The following HS3ST4 variants were observed in gnomAD, a reference collection of about 807,000 sequenced individuals.
HS3ST4 encodes heparan sulfate-glucosamine 3-sulfotransferase 4.
A neutral mutation model predicts 29.2 loss-of-function variants in HS3ST4; 17 were observed. The ratio of observed to expected loss-of-function variants is 0.58; its 90% CI spans 0.40 to 0.87. The LOEUF is 0.87. Among genes scored for constraint, HS3ST4 ranks in the 40% least tolerant of loss-of-function variants. HS3ST4 has a pLI of 0.00. For missense variants in HS3ST4, 627 were observed against 634.5 expected, an observed-to-expected ratio of 0.99 and a Z score of 0.13; for synonymous variants, 314 against 285.7, an observed-to-expected ratio of 1.10 and a Z score of -1.00.
In HS3ST4 at chr16:25,895,740, AAGAGAGAGAG is replaced by A. The variant is rs71738802; in HGVS notation, c.734+202601_734+202610del. 1.2e-3 allele frequency among the ~76,000 whole-genome samples: 186 copies of A among 149,262 alleles called. 1 individual carries two copies. The Middle Eastern group carries it at 0.017, about 14-fold the overall frequency. On this transcript the variant is annotated intron_variant, in intron 1 of 1. Transcript: ENST00000331351. Reference sequence around the variant, plus strand: ...CTCACACAGCAGAGGGAAAGAGGGAAAGAGAGAGAGAGAGAGAGAGATCATCTTCCTTGTG... The same window carrying A: ...CTCACACAGCAGAGGGAAAGAGGGAAAGAGAGAGAGATCATCTTCCTTGTG...
At chr16:25,771,971 G>A (rs1025757520) in intron 1 of HS3ST4, among the ~76,000 whole-genome samples, 3 of 152,118 alleles carry the variant, frequency 2.0e-5, no homozygotes, top group East Asian at 1.9e-4. Context: ...ATAGGATAAC[G>A]TTTCTAGTCT....
intron 1 of HS3ST4, among the ~76,000 whole-genome samples, chr16:25,828,753 C>A (rs910450769): frequency 1.3e-5 from 2 of 152,176 alleles, no homozygotes; most frequent in Admixed American, 6.5e-5. Context: ...TAAGTGAGAA[C>A]ATGTGCTATT....
intron 1 of HS3ST4, among the ~76,000 whole-genome samples, chr16:25,928,436 A>G (rs1005457361): frequency 3.9e-5 from 6 of 152,178 alleles, no homozygotes; most frequent in South Asian, 2.1e-4. Context: ...AGGAAAAACA[A>G]AGCCAACAAC....
intron 1 of HS3ST4, among the ~76,000 whole-genome samples, chr16:26,104,869 GTTC>G (rs1899031815): frequency 6.6e-6 from 1 of 152,098 alleles, no homozygotes; most frequent in South Asian, 2.1e-4. Context: ...GCAGTCCTTG[GTTC>G]TTCTCTTTCT....
intron 1 of HS3ST4, among the ~76,000 whole-genome samples, chr16:26,004,885 T>C (rs894726603): frequency 6.6e-6 from 1 of 152,228 alleles, no homozygotes; most frequent in African/African-American, 2.4e-5. Context: ...TGGGAAGATA[T>C]TTCTGGATTT....
intron 1 of HS3ST4, among the ~76,000 whole-genome samples, chr16:25,827,849 C>T (rs1348858956): frequency 6.6e-6 from 1 of 152,148 alleles, no homozygotes; most frequent in South Asian, 2.1e-4. Context: ...GTGAAATTAT[C>T]CTCCATGTTA....
chr16:26,058,986 C>T (rs146822401), intron 1 of HS3ST4, among the ~76,000 whole-genome samples: 7 of 152,216 alleles, frequency 4.6e-5, no homozygotes, highest in African/African-American at 1.7e-4. Context: ...GCTTTGAAGC[C>T]TTGGACTGAG....
intron 1 of HS3ST4, among the ~76,000 whole-genome samples, chr16:25,916,421 G>A (rs189227355): frequency 4.6e-5 from 7 of 152,028 alleles, no homozygotes; most frequent in African/African-American, 1.7e-4. Context: ...GGAGTACAAT[G>A]GCACTATCTC....
rs181248016 is a variant in HS3ST4 at position 25,929,674 on chromosome 16, G to T, written c.735-205938G>T. Reference sequence around the variant, plus strand: ...AGTTTTCAGCATTAGAATCTCAAGGGCTTCGCACAGGTGACCATCTAGAAG... The same window carrying T: ...AGTTTTCAGCATTAGAATCTCAAGGTCTTCGCACAGGTGACCATCTAGAAG... On this transcript the variant is annotated intron_variant, in intron 1 of 1. Transcript: ENST00000331351. Among the ~76,000 whole-genome samples, 662 of 152,326 alleles carry T rather than the reference G, an allele frequency of 4.3e-3. 2 individuals carry two copies. The highest frequency in any genetic ancestry group is 6.6e-3 in the Non-Finnish European group (451 of 68,026).
chr16:26,025,252 A>C (rs1232952112), intron 1 of HS3ST4: 1 of 154,668 alleles, frequency 6.5e-6, no homozygotes, highest in African/African-American at 2.4e-5. Flanking sequence ...GTGCAAAAGT[A>C]ACTGCGGTTT....
intron 1 of HS3ST4, among the ~76,000 whole-genome samples, chr16:25,699,962 C>G (rs1308793552): frequency 6.6e-6 from 1 of 152,238 alleles, no homozygotes; most frequent in South Asian, 2.1e-4. Context: ...TTTCTTTTCT[C>G]TCTTACTCTT....
chr16:25,883,692 T>A lies in HS3ST4; in HGVS notation c.734+190541T>A, dbSNP rs187152651. The stretch of plus-strand genomic sequence containing the variant: ...GTTTACACAGGAATAAGCTGAGCAT[T>A]TTATATCCATCATCTAATTTTCACA... On this transcript the variant is annotated intron_variant, in intron 1 of 1. Transcript: ENST00000331351. Among the ~76,000 whole-genome samples the A allele has an allele frequency of 3.3e-5, 5 of 152,296 alleles. No individual in the cohort carries two copies. In the East Asian group the frequency reaches 9.6e-4, roughly 29 times the overall value.
At chr16:25,746,559 T>TTC (rs1966686794) in intron 1 of HS3ST4, among the ~76,000 whole-genome samples, 2 of 151,812 alleles carry the variant, frequency 1.3e-5, no homozygotes, top group Non-Finnish European at 2.9e-5. Flanking sequence ...TGGTTGGTTT[T>TTC]TTTTTTTTTT....
chr16:25,751,102 T>C (rs1278394423), intron 1 of HS3ST4, among the ~76,000 whole-genome samples: 1 of 152,208 alleles, frequency 6.6e-6, no homozygotes, highest in African/African-American at 2.4e-5. Context: ...TGCTTAAAAC[T>C]GCACAACTCC....
chr16:26,081,563 G>C (rs1234008964), intron 1 of HS3ST4, among the ~76,000 whole-genome samples: 1 of 152,098 alleles, frequency 6.6e-6, no homozygotes, highest in Non-Finnish European at 1.5e-5. Flanking sequence ...AGTATATAAT[G>C]TCTTAGAAGA....
At chr16:25,787,426 T>A (rs184595108) in intron 1 of HS3ST4, among the ~76,000 whole-genome samples, 1 of 152,364 alleles carries the variant, frequency 6.6e-6, no homozygotes, top group African/African-American at 2.4e-5. Flanking sequence ...CACCTTGGAC[T>A]GGGCTTGTGC....
intron 1 of HS3ST4, among the ~76,000 whole-genome samples, chr16:26,112,023 A>C (rs1490932868): frequency 4.0e-5 from 6 of 151,694 alleles, no homozygotes; most frequent in Non-Finnish European, 1.5e-5. Context: ...TCAAAAAAAA[A>C]AAAAAAATTC....
intron 1 of HS3ST4, among the ~76,000 whole-genome samples, chr16:26,072,492 G>A (rs1214397127): frequency 6.6e-6 from 1 of 152,158 alleles, no homozygotes. Flanking sequence ...CTCAGTCTTA[G>A]AAATTTAAGA....
chr16:25,792,967 T>A (rs748899104), intron 1 of HS3ST4, among the ~76,000 whole-genome samples: 4 of 151,940 alleles, frequency 2.6e-5, no homozygotes, highest in Admixed American at 2.6e-4. Context: ...ACCAACTATA[T>A]TTTCATTAAT....
Sources: allele counts gnomAD v4.1 joint callset (sites outside exome capture counted in the v4.1 genomes callset), GRCh38; gene constraint gnomAD v4.1.1; transcripts MANE v1.5; gene names NCBI Gene and HGNC (gene_info 2026-07-23, HGNC 2026-07-21).